Variants in SERAC1 observed in about 807,000 individuals in gnomAD.
SERAC1 encodes serine active site containing 1, also known as protein SERAC1.
Under a neutral mutation model 85.7 loss-of-function variants are expected in SERAC1, and 36 were observed. That is an observed-to-expected ratio of 0.42 (90% CI 0.32 to 0.55). SERAC1 has a LOEUF of 0.55. SERAC1 is among the 20% of genes least tolerant of loss of function. SERAC1 has a pLI of 0.11. For missense variants in SERAC1, 629 were observed against 796.2 expected, an observed-to-expected ratio of 0.79 and a Z score of 2.53; for synonymous variants, 242 against 265.3, an observed-to-expected ratio of 0.91 and a Z score of 0.85.
intron 13 of SERAC1, chr6:158,116,562 GTTAA>G (rs1264382417): frequency 5.9e-6 from 2 of 336,348 alleles, no homozygotes; most frequent in Non-Finnish European, 5.6e-6. Flanking sequence ...TCCTGAAATC[GTTAA>G]TTCTCTATTT....
intron 5 of SERAC1, 63 bp downstream of exon 5, chr6:158,148,802 T>A: frequency 8.5e-7 from 1 of 1,173,012 alleles, no homozygotes; most frequent in Non-Finnish European, 1.2e-6. Context: ...AAGTATCAGG[T>A]TGATCATTCC....
intron 15 of SERAC1, 168 bp downstream of exon 15, chr6:158,114,621 A>C: frequency 7.3e-7 from 1 of 1,363,156 alleles, no homozygotes; most frequent in Non-Finnish European, 9.5e-7. Flanking sequence ...AAAATGAGAA[A>C]TTATCAAAGA....
Position 158,152,012 on chromosome 6 carries a change from G to A in SERAC1, c.129-1423C>T, listed in dbSNP as rs117813855. Among the ~76,000 whole-genome samples the A allele has an allele frequency of 1.0e-3, 156 of 152,190 alleles. 2 individuals carry two copies. In the East Asian group the frequency reaches 0.023, roughly 23 times the overall value. On this transcript the variant is annotated intron_variant, in intron 3 of 16. Transcript: ENST00000647468. ...TGTCATCCTCCTGCCTCAGCCTCCC[G>A]AATAGCTGAGACTACAGGCCCACAC...
chr6:158,155,457 A>G, intron 2 of SERAC1, 106 bp from the exon 3 acceptor site: 1 of 639,974 alleles, frequency 1.6e-6, no homozygotes, highest in Non-Finnish European at 2.7e-6. Flanking sequence ...TCAGATAAGA[A>G]GTTATTATTT....
chr6:158,113,343 ACTAT>A, intron 16 of SERAC1, 102 bp downstream of exon 16: 9 of 875,992 alleles, frequency 1.0e-5, no homozygotes, highest in Non-Finnish European at 1.6e-5. Flanking sequence ...ACCTTCATAA[ACTAT>A]CTCTTAAAAC....
At chr6:158,115,888 T>C (rs1361593158) in intron 14 of SERAC1, among the ~76,000 whole-genome samples, 2 of 152,172 alleles carry the variant, frequency 1.3e-5, no homozygotes, top group African/African-American at 2.4e-5. Context: ...GGTGGGTGTA[T>C]ATGAAACGGG....
chr6:158,156,558 C>T (rs560588663), intron 2 of SERAC1, among the ~76,000 whole-genome samples: 1 of 151,734 alleles, frequency 6.6e-6, no homozygotes, highest in South Asian at 2.1e-4. Context: ...GATTGCTAAA[C>T]TGTAATTCCT....
At chr6:158,153,204 C>G (rs962005686) in intron 3 of SERAC1, among the ~76,000 whole-genome samples, 1 of 152,196 alleles carries the variant, frequency 6.6e-6, no homozygotes, top group African/African-American at 2.4e-5. Context: ...AAATTCATAT[C>G]AATGGAATCA....
chr6:158,115,009 A>G (rs776210804), intron 14 of SERAC1, 38 bp from the exon 15 acceptor site: 1 of 1,572,544 alleles, frequency 6.4e-7, no homozygotes, highest in South Asian at 1.2e-5. Context: ...TGCATAAGCT[A>G]TTTTCCTTCC....
chr6:158,165,627 C>CA (rs1402958667), intron 1 of SERAC1, among the ~76,000 whole-genome samples: 1 of 152,226 alleles, frequency 6.6e-6, no homozygotes, highest in African/African-American at 2.4e-5. Flanking sequence ...TCTTCCTCCA[C>CA]AAATCTTCTC....
chr6:158,116,009 A>C (rs1784278762), intron 14 of SERAC1, among the ~76,000 whole-genome samples, 176 bp downstream of exon 14: 2 of 152,264 alleles, frequency 1.3e-5, no homozygotes, highest in Admixed American at 6.5e-5. Context: ...AAGGAACAGC[A>C]TGGAACAAGA....
chr6:158,117,334 C>T lies in SERAC1; in HGVS notation c.1403+393G>A, dbSNP rs77683273. 6.8e-4 allele frequency: 420 copies of T among 617,142 alleles called. No homozygotes were observed. Among genetic ancestry groups the T allele is most frequent in the Non-Finnish European group, 1.1e-3 (391 of 357,050 alleles). 38.2% of individuals were successfully genotyped at this position (617,142 alleles called of 1,614,324 possible). ...CCATGTATACAACTGGCACAGATGA[C>T]ATACAAGGGAAATAGCAGCTGATAT... On this transcript the variant is annotated intron_variant, in intron 13 of 16. Transcript: ENST00000647468. The surrounding 1 kb of genome is among the most constrained non-coding windows in gnomAD (Gnocchi z 4.3).
intron 8 of SERAC1, among the ~76,000 whole-genome samples, chr6:158,139,120 T>C (rs1562447562): frequency 3.9e-5 from 6 of 151,968 alleles, no homozygotes. Flanking sequence ...GCCCAGGCTG[T>C]TCTCAAACTC....
At chr6:158,118,983 C>T in intron 12 of SERAC1, 46 bp downstream of exon 12, 1 of 1,568,222 alleles carries the variant, frequency 6.4e-7, no homozygotes, top group Non-Finnish European at 8.6e-7. Context: ...AGGGCCCCAG[C>T]AACCAGGGCC....
chr6:158,135,357 T>G (rs1011130633), intron 8 of SERAC1, among the ~76,000 whole-genome samples: 8 of 152,068 alleles, frequency 5.3e-5, no homozygotes, highest in Non-Finnish European at 7.4e-5. Context: ...CATGGTGACA[T>G]CCCGTCTCTA....
chr6:158,114,688 T>TTATAAAATGAGATAATACATTCAAGGAC lies in SERAC1; in HGVS notation c.1684+100_1684+101insGTCCTTGAATGTATTATCTCATTTTATA. 16 of 1,434,954 alleles carry TTATAAAATGAGATAATACATTCAAGGAC rather than the reference T, an allele frequency of 1.1e-5. 1 individual carries two copies. The highest frequency in any genetic ancestry group is 1.4e-5 in the Non-Finnish European group (15 of 1,056,890). 88.9% of individuals were successfully genotyped at this position (1,434,954 alleles called of 1,614,324 possible). A position where few individuals can be genotyped will look rare whatever the true frequency, so the allele number is the denominator to read the frequency against. On this transcript the variant is annotated intron_variant, in intron 15 of 16. Transcript: ENST00000647468. Reference sequence around the variant, plus strand: ...TAGTCTAAACACAATTATATACAAATTATAAAATGAGATAATACATTCAAG... The same window carrying TTATAAAATGAGATAATACATTCAAGGAC: ...TAGTCTAAACACAATTATATACAAATTATAAAATGAGATAATACATTCAAGGACTATAAAATGAGATAATACATTCAAG...
At chr6:158,135,471 T>C (rs1353695625) in intron 8 of SERAC1, among the ~76,000 whole-genome samples, 1 of 151,842 alleles carries the variant, frequency 6.6e-6, no homozygotes, top group Non-Finnish European at 1.5e-5. Context: ...AGGCGGAGGT[T>C]GCAATGAGCC....
intron 6 of SERAC1, 154 bp downstream of exon 6, chr6:158,146,628 T>C: frequency 2.5e-6 from 2 of 805,296 alleles, no homozygotes; most frequent in Non-Finnish European, 3.8e-6. Context: ...CCAGGGTGGG[T>C]CTTGAACTCC....
intron 4 of SERAC1, among the ~76,000 whole-genome samples, chr6:158,149,386 G>A (rs1448608241): frequency 6.6e-6 from 1 of 152,210 alleles, no homozygotes; most frequent in African/African-American, 2.4e-5. Context: ...TAACACTGTT[G>A]TCTTTTTATT....
Sources: gnomAD v4.1 joint callset for allele counts (sites outside exome capture counted in the v4.1 genomes callset) on GRCh38, gnomAD v4.1.1 for gene constraint, Gnocchi (gnomAD v3.1) non-coding constraint, MANE v1.5 for transcripts, NCBI Gene and HGNC (gene_info 2026-07-23, HGNC 2026-07-21) for gene names.